Variants in AKNAD1 observed in about 807,000 individuals in gnomAD.
AKNAD1 encodes the protein protein AKNAD1.
In AKNAD1, 67 loss-of-function variants were observed where a neutral mutation model predicts 90.8. The ratio of observed to expected loss-of-function variants is 0.74; its 90% CI spans 0.61 to 0.90. The LOEUF (loss-of-function observed/expected upper bound fraction) is 0.90. Ranked by LOEUF, AKNAD1 falls within the 40% of genes least tolerant of loss-of-function variation. The probability of loss-of-function intolerance (pLI) is 0.00; values close to 1 mark genes in which losing one functional copy is unlikely to be tolerated. For missense variants in AKNAD1, 957 were observed against 975.4 expected, an observed-to-expected ratio of 0.98 and a Z score of 0.25; for synonymous variants, 327 against 341.4, an observed-to-expected ratio of 0.96 and a Z score of 0.46.
chr1:108,856,028 T>C (rs1225479115), intron 1 of AKNAD1, among the ~76,000 whole-genome samples: 1 of 151,846 alleles, frequency 6.6e-6, no homozygotes, highest in East Asian at 1.9e-4. Context: ...ATTTTTAATT[T>C]TTTTTTTAGA....
chr1:108,856,200 C>T (rs1253699338), intron 1 of AKNAD1, among the ~76,000 whole-genome samples: 7 of 151,960 alleles, frequency 4.6e-5, no homozygotes, highest in African/African-American at 2.4e-5. Flanking sequence ...AAGAAGAAAA[C>T]AAATTCTAGT....
chr1:108,816,721 A>G (rs1445068624), intron 15 of AKNAD1, among the ~76,000 whole-genome samples: 1 of 152,168 alleles, frequency 6.6e-6, no homozygotes, highest in Non-Finnish European at 1.5e-5. Flanking sequence ...AGTGATTTGA[A>G]ATAGGAAACT....
chr1:108,817,277 G>C lies in AKNAD1; in HGVS notation c.2250-100C>G, dbSNP rs1425308445. ...GGTAGGTAATGGCTCTGTGTGGTTT[G>C]GGTGTGGGTGGATTCGTGCACCCGC... On this transcript the variant is annotated intron_variant, in intron 14 of 15. Transcript: ENST00000370001. 1.1e-5 allele frequency: 16 copies of C among 1,486,142 alleles called. No homozygotes were observed. The East Asian group carries it at 3.8e-4, about 35-fold the overall frequency. The allele number at this position is 1,486,142 out of a possible 1,614,324, so 92.1% of individuals were successfully genotyped here.
At chr1:108,822,287 G>C (rs941745164) in intron 13 of AKNAD1, among the ~76,000 whole-genome samples, 2 of 152,076 alleles carry the variant, frequency 1.3e-5, no homozygotes, top group African/African-American at 4.8e-5. Context: ...TTGCTGTAAG[G>C]GTCTTTGTAA....
intron 2 of AKNAD1, 129 bp downstream of exon 2, chr1:108,851,543 A>G (rs1003126757): frequency 1.2e-6 from 1 of 829,484 alleles, no homozygotes; most frequent in Non-Finnish European, 1.8e-6. Context: ...TCACTCATCC[A>G]GGGTGACCCA....
chr1:108,852,681 C>G lies in AKNAD1; in HGVS notation c.-17G>C, dbSNP rs368571761. On this transcript the variant is annotated 5_prime_UTR_variant, in exon 2 of 16. Coordinates refer to ENST00000370001, the MANE Select transcript of AKNAD1 (RefSeq NM_152763.5). The stretch of plus-strand genomic sequence containing the variant: ...CTCATCCATGTGTGTGCAGCCCGAT[C>G]GCTCTCGTCCTCTGCCTCCTGAGCT... 1.4e-5 allele frequency: 22 copies of G among 1,539,654 alleles called. No homozygotes were observed. Among genetic ancestry groups the G allele is most frequent in the African/African-American group, 1.2e-4 (9 of 72,476 alleles).
chr1:108,833,540 A>C (rs1570807977), intron 9 of AKNAD1, among the ~76,000 whole-genome samples: 1 of 151,972 alleles, frequency 6.6e-6, no homozygotes, highest in Non-Finnish European at 1.5e-5. Context: ...CTGGGATCGC[A>C]CCATTGCACT....
At chr1:108,841,398 T>G (rs1165122750) in intron 6 of AKNAD1, among the ~76,000 whole-genome samples, 1 of 152,084 alleles carries the variant, frequency 6.6e-6, no homozygotes, top group Non-Finnish European at 1.5e-5. Flanking sequence ...TAAGATTTTA[T>G]GCTGAGACTC....
chr1:108,819,455 C>CAA (rs34501326), intron 14 of AKNAD1, among the ~76,000 whole-genome samples: 35,626 of 129,882 alleles, frequency 0.27, 5,119 homozygotes, highest in East Asian at 0.59. Context: ...CCATCTCTAC[C>CAA]AAAAAAAAAA....
At chr1:108,847,579 G>A (rs1420275696) in intron 5 of AKNAD1, among the ~76,000 whole-genome samples, 8 of 144,854 alleles carry the variant, frequency 5.5e-5, no homozygotes, top group Non-Finnish European at 1.0e-4. Context: ...GTCACCACGT[G>A]CTCCCAAGTG....
intron 9 of AKNAD1, among the ~76,000 whole-genome samples, chr1:108,831,599 GTCTGT>G (rs1385189870): frequency 2.0e-5 from 3 of 151,678 alleles, no homozygotes; most frequent in African/African-American, 7.3e-5. Flanking sequence ...AAGGAAATAA[GTCTGT>G]TCCTATATGC....
chr1:108,836,866 G>A (rs1473402282), intron 7 of AKNAD1: 1 of 152,236 alleles, frequency 6.6e-6, no homozygotes, highest in Non-Finnish European at 1.5e-5. Flanking sequence ...TGCATAAGTA[G>A]AAATCCAAAA....
intron 15 of AKNAD1, among the ~76,000 whole-genome samples, chr1:108,816,623 G>C (rs543215060): frequency 1.3e-5 from 2 of 152,204 alleles, no homozygotes; most frequent in Non-Finnish European, 2.9e-5. Flanking sequence ...CATTGATGGG[G>C]ATTGGGGGGC....
chr1:108,834,674 G>A lies in AKNAD1; in HGVS notation c.1665-146C>T, dbSNP rs546689243. The A allele has an allele frequency of 3.0e-5, 27 of 914,340 alleles. No individual in the cohort carries two copies. The East Asian group carries it at 6.2e-4, about 21-fold the overall frequency. The allele number at this position is 914,340 out of a possible 1,614,324, so 56.6% of individuals were successfully genotyped here. A position where few individuals can be genotyped will look rare whatever the true frequency, so the allele number is the denominator to read the frequency against. ...GCAGAGAGTGCTATGGGCCTCATGC[G>A]GCCACTTGACCTTCACCTCTCCCCG... On this transcript the variant is annotated intron_variant, in intron 8 of 15. Coordinates refer to ENST00000370001, the MANE Select transcript of AKNAD1 (RefSeq NM_152763.5).
At position 108,852,236 on chromosome 1, in the gene AKNAD1, T is replaced by G. The variant is rs771849247; in HGVS notation, c.429A>C (p.Glu143Asp). 6.2e-7 allele frequency: 1 copy of G among 1,613,766 alleles called. No individual in the cohort carries two copies. The highest frequency in any genetic ancestry group is 1.7e-5 in the Admixed American group (1 of 59,956). ...LPEISNADSF[E>D]EEAIIKSIIS... ...TAATACTTTTAATAATAGCTTCCTC[T>G]TCAAAACTGTCGGCATTTGAGATCT... The change falls in exon 2 of 16, where the codon GAA becomes GAC. Residue 143 changes from glutamate to aspartate, a missense_variant. Physicochemically the swap from Glu to Asp is conservative, Grantham distance 45 (BLOSUM62 2). Coordinates refer to ENST00000370001, the MANE Select transcript of AKNAD1 (RefSeq NM_152763.5).
At position 108,852,672 on chromosome 1, in the gene AKNAD1, C is replaced by T; in HGVS notation, c.-8G>A. The T allele has an allele frequency of 6.4e-7, 1 of 1,554,792 alleles. No individual in the cohort carries two copies. The highest frequency in any genetic ancestry group is 8.7e-7 in the Non-Finnish European group (1 of 1,154,522). ...AAAATCAGCCTCATCCATGTGTGTGCAGCCCGATCGCTCTCGTCCTCTGCC... is the reference window on the plus strand; with the variant it reads ...AAAATCAGCCTCATCCATGTGTGTGTAGCCCGATCGCTCTCGTCCTCTGCC... On this transcript the variant is annotated 5_prime_UTR_variant, in exon 2 of 16. Transcript: ENST00000370001.
intron 9 of AKNAD1, among the ~76,000 whole-genome samples, chr1:108,834,232 C>T (rs948673517): frequency 1.3e-5 from 2 of 152,058 alleles, no homozygotes; most frequent in African/African-American, 4.8e-5. Flanking sequence ...GGAGAAGCTC[C>T]GGTCTAGGTA....
chr1:108,848,768 A>G lies in AKNAD1; in HGVS notation c.1229T>C (p.Leu410Ser). 1 of 1,606,800 alleles carries G rather than the reference A, an allele frequency of 6.2e-7. No homozygotes were observed. The highest frequency in any genetic ancestry group is 8.5e-7 in the Non-Finnish European group (1 of 1,178,332). ...KRIKQDSPYH[L>S]QDKKLVLEKL... ...ATTCATTACCAGCTTCTTGTCTTGC[A>G]AATGGTAAGGAGAGTCCTGTTTTAT... is the stretch of plus-strand genomic sequence containing the variant. Residue 410 changes from leucine (L) to serine (S), a missense_variant, in exon 5 of 16, where the codon TTG (leucine) becomes TCG (serine). Transcript: ENST00000370001.
chr1:108,832,047 C>A (rs1270167270), intron 9 of AKNAD1, among the ~76,000 whole-genome samples: 1 of 152,022 alleles, frequency 6.6e-6, no homozygotes, highest in East Asian at 1.9e-4. Flanking sequence ...AGGTGCTTCC[C>A]TTATAGTCTC....
Sources: allele counts gnomAD v4.1 joint callset (sites outside exome capture counted in the v4.1 genomes callset), GRCh38; gene constraint gnomAD v4.1.1; transcripts MANE v1.5; gene names NCBI Gene and HGNC (gene_info 2026-07-23, HGNC 2026-07-21).